The following BCL2 variants were observed in gnomAD, a reference collection of about 807,000 sequenced individuals.
The protein encoded by BCL2 is apoptosis regulator Bcl-2.
BCL2 carries 1 observed loss-of-function variant against 14.2 expected under a neutral mutation model. That is an observed-to-expected ratio of 0.07 (90% CI 0.02 to 0.33). BCL2 has a LOEUF of 0.33. Among genes scored for constraint, BCL2 ranks in the 10% least tolerant of loss-of-function variants. The probability of loss-of-function intolerance (pLI) is 0.99; values close to 1 mark genes in which losing one functional copy is unlikely to be tolerated. For synonymous variants in BCL2, 151 were observed against 137.2 expected (o/e 1.10, Z -0.70); for missense variants, 247 against 305.9 (o/e 0.81, Z 1.44).
chr18:63,131,957 C>T (rs1914078979), intron 2 of BCL2, among the ~76,000 whole-genome samples: 1 of 152,240 alleles, frequency 6.6e-6, no homozygotes, highest in African/African-American at 2.4e-5. Context: ...AATTCCCTCT[C>T]ACCACCCTCA....
At chr18:63,183,234 TGACCCCTCTG>T (rs1453385813) in intron 2 of BCL2, among the ~76,000 whole-genome samples, 5 of 152,100 alleles carry the variant, frequency 3.3e-5, no homozygotes, top group Non-Finnish European at 2.9e-5. Flanking sequence ...GGGCAGGAAA[TGACCCCTCTG>T]GACACCTCCC....
rs556109002 is a variant in BCL2 at position 63,150,949 on chromosome 18, G to A, written c.586-22190C>T. Among the ~76,000 whole-genome samples, 11 of 151,864 alleles carry A rather than the reference G, an allele frequency of 7.2e-5. No individual in the cohort carries two copies. In the East Asian group the frequency reaches 1.7e-3, roughly 24 times the overall value. ...CACTCCTCAAAGGTTACTAAGCTGC[G>A]CCTCCACCAAGAAGGAAAATGGGAC... On this transcript the variant is annotated intron_variant, in intron 2 of 2. Transcript: ENST00000333681.
intron 2 of BCL2, among the ~76,000 whole-genome samples, chr18:63,306,228 C>G (rs1913129993): frequency 6.6e-6 from 1 of 152,166 alleles, no homozygotes; most frequent in South Asian, 2.1e-4. Context: ...CAATCATTAC[C>G]TCTTCCAAAA....
intron 2 of BCL2, among the ~76,000 whole-genome samples, chr18:63,248,484 G>A (rs1238001195): frequency 1.3e-5 from 2 of 152,100 alleles, no homozygotes; most frequent in African/African-American, 4.8e-5. Flanking sequence ...ACTCAAAAAC[G>A]AAGTCCAAAG....
intron 2 of BCL2, among the ~76,000 whole-genome samples, chr18:63,273,008 A>T (rs943987447): frequency 1.3e-5 from 2 of 151,644 alleles, no homozygotes; most frequent in Non-Finnish European, 2.9e-5. Flanking sequence ...CACAGCAAAG[A>T]CAGAGATTGA....
intron 2 of BCL2, among the ~76,000 whole-genome samples, chr18:63,294,097 T>G (rs1568261029): frequency 6.6e-6 from 1 of 152,174 alleles, no homozygotes; most frequent in Non-Finnish European, 1.5e-5. Context: ...AGAATGCAAT[T>G]AATACTTTGG....
At chr18:63,167,564 G>A (rs1279920149) in intron 2 of BCL2, among the ~76,000 whole-genome samples, 1 of 152,106 alleles carries the variant, frequency 6.6e-6, no homozygotes, top group Non-Finnish European at 1.5e-5. Flanking sequence ...AGGATCACTT[G>A]AGCCTAAGAG....
At chr18:63,204,842 A>G (rs1909791046) in intron 2 of BCL2, among the ~76,000 whole-genome samples, 1 of 152,080 alleles carries the variant, frequency 6.6e-6, no homozygotes, top group Non-Finnish European at 1.5e-5. Context: ...CTCAAGATAT[A>G]CTGTTAAATT....
At chr18:63,297,548 G>A (rs886462305) in intron 2 of BCL2, among the ~76,000 whole-genome samples, 10 of 152,194 alleles carry the variant, frequency 6.6e-5, no homozygotes. Flanking sequence ...GTGGCACAGA[G>A]CAGCCTTTTC....
At chr18:63,271,106 G>A (rs1391704729) in intron 2 of BCL2, among the ~76,000 whole-genome samples, 1 of 152,214 alleles carries the variant, frequency 6.6e-6, no homozygotes. Flanking sequence ...ACAAGCATGA[G>A]CCACTGCGCC....
At chr18:63,192,528 C>T (rs767712626) in intron 2 of BCL2, among the ~76,000 whole-genome samples, 13 of 152,034 alleles carry the variant, frequency 8.6e-5, no homozygotes, top group African/African-American at 1.2e-4. Context: ...CCACAAAGAC[C>T]CCAAACTAGA....
chr18:63,229,594 T>C (rs1295249644), intron 2 of BCL2, among the ~76,000 whole-genome samples: 1 of 152,216 alleles, frequency 6.6e-6, no homozygotes, highest in East Asian at 1.9e-4. Flanking sequence ...CTCCTCTCTC[T>C]TACTCCTTCT....
At chr18:63,260,993 C>G (rs1911643000) in intron 2 of BCL2, among the ~76,000 whole-genome samples, 1 of 152,122 alleles carries the variant, frequency 6.6e-6, no homozygotes, top group African/African-American at 2.4e-5. Flanking sequence ...ATACAAAAAT[C>G]AATTAAGGTC....
chr18:63,213,890 G>A (rs1158049559), intron 2 of BCL2, among the ~76,000 whole-genome samples: 1 of 152,126 alleles, frequency 6.6e-6, no homozygotes, highest in East Asian at 1.9e-4. Context: ...GGCCCTCAGG[G>A]ACCTCTAGGT....
intron 2 of BCL2, among the ~76,000 whole-genome samples, chr18:63,164,504 C>G (rs1053860247): frequency 1.3e-4 from 20 of 152,190 alleles, no homozygotes; most frequent in African/African-American, 4.8e-4. Flanking sequence ...GCTTAAGTAC[C>G]ATGAGGCTTT....
At chr18:63,191,672 G>A (rs1286987652) in intron 2 of BCL2, among the ~76,000 whole-genome samples, 2 of 152,214 alleles carry the variant, frequency 1.3e-5, no homozygotes, top group East Asian at 1.9e-4. Context: ...GCCAGCCTTG[G>A]AGTTCAGGAT....
chr18:63,199,950 GCACACA>G (rs370055505), intron 2 of BCL2, among the ~76,000 whole-genome samples: 1 of 150,020 alleles, frequency 6.7e-6, no homozygotes, highest in African/African-American at 2.4e-5. Context: ...ACACACACAC[GCACACA>G]CACACACACG....
chr18:63,129,542 G>T (rs1341989939), intron 2 of BCL2, among the ~76,000 whole-genome samples: 1 of 152,156 alleles, frequency 6.6e-6, no homozygotes, highest in Admixed American at 6.5e-5. Flanking sequence ...GCCTCCCAAA[G>T]TTCTGGGATT....
intron 2 of BCL2, among the ~76,000 whole-genome samples, chr18:63,249,964 T>C (rs1354577924): frequency 6.6e-6 from 1 of 152,084 alleles, no homozygotes; most frequent in Non-Finnish European, 1.5e-5. Context: ...ACCGCACACT[T>C]GCACATACAT....
Sources: gnomAD v4.1 joint callset for allele counts (sites outside exome capture counted in the v4.1 genomes callset) on GRCh38, gnomAD v4.1.1 for gene constraint, MANE v1.5 for transcripts, NCBI Gene and HGNC (gene_info 2026-07-23, HGNC 2026-07-21) for gene names.